Variants in LAMA3 observed in about 807,000 individuals in gnomAD.
LAMA3 encodes the protein laminin subunit alpha 3.
In LAMA3, 281 loss-of-function variants were observed where a neutral mutation model predicts 402.0. The observed-to-expected ratio is 0.70, with a 90% confidence interval of 0.63 to 0.77. The LOEUF (loss-of-function observed/expected upper bound fraction) is 0.77. Among genes scored for constraint, LAMA3 ranks in the 30% least tolerant of loss-of-function variants. LAMA3 has a pLI of 0.00. For missense variants in LAMA3, 3,840 were observed against 4,215.5 expected (o/e 0.91, Z 2.47); for synonymous variants, 1,431 against 1,558.4 (o/e 0.92, Z 1.93).
chr18:23,874,451 G>C (rs920139042), intron 38 of LAMA3, among the ~76,000 whole-genome samples: 1 of 152,158 alleles, frequency 6.6e-6, no homozygotes, highest in African/African-American at 2.4e-5. Flanking sequence ...CTATTTATTT[G>C]CAATATACTC....
intron 69 of LAMA3, among the ~76,000 whole-genome samples, chr18:23,945,753 G>T (rs967370430): frequency 6.6e-6 from 1 of 152,112 alleles, no homozygotes; most frequent in Non-Finnish European, 1.5e-5. Flanking sequence ...CCAGCCCAGG[G>T]TGCCACGACT....
chr18:23,737,018 C>T (rs545133926), intron 2 of LAMA3, among the ~76,000 whole-genome samples: 1 of 152,136 alleles, frequency 6.6e-6, no homozygotes, highest in East Asian at 1.9e-4. Flanking sequence ...AAAATGCTTC[C>T]CCCACCCCCA....
rs773987681 is a variant in LAMA3, at chr18:23,810,408, G to T, written c.1646G>T (p.Ser549Ile). 17 of 1,614,088 alleles carry T rather than the reference G, an allele frequency of 1.1e-5. No homozygotes were observed. The highest frequency in any genetic ancestry group is 1.4e-5 in the Non-Finnish European group (17 of 1,180,052). Residue 549 changes from serine (S) to isoleucine (I), a missense_variant, in exon 13 of 75, where the codon AGC (serine) becomes ATC (isoleucine). By Grantham distance (142) the Ser-to-Ile change is moderately radical. Transcript: ENST00000313654. ...SALGSYQMPCSSVTGQCECRP... is the reference protein window; with the variant it reads ...SALGSYQMPCISVTGQCECRP... Reference sequence around the variant, plus strand: ...CTTGGATCCTACCAGATGCCCTGCAGCTCAGTGACTGGACAGTGTGAATGT... The same window carrying T: ...CTTGGATCCTACCAGATGCCCTGCATCTCAGTGACTGGACAGTGTGAATGT...
At chr18:23,850,603 G>A (rs564373989) in intron 32 of LAMA3, among the ~76,000 whole-genome samples, 10 of 152,114 alleles carry the variant, frequency 6.6e-5, no homozygotes, top group South Asian at 6.2e-4. Flanking sequence ...TGTAATTATC[G>A]AAAGGTCTAT....
chr18:23,805,766 T>C (rs1311121373), intron 12 of LAMA3, among the ~76,000 whole-genome samples: 2 of 152,198 alleles, frequency 1.3e-5, no homozygotes, highest in East Asian at 3.9e-4. Flanking sequence ...GATTATTTCC[T>C]TTTTGCCAGT....
rs776785209 is a variant in LAMA3, at chr18:23,836,962, ACT to A, written c.2985-16_2985-15del. The A allele has an allele frequency of 1.9e-6, 3 of 1,598,462 alleles. No homozygotes were observed. Among genetic ancestry groups the A allele is most frequent in the Admixed American group, 3.3e-5 (2 of 59,948 alleles). On this transcript the variant is annotated splice_polypyrimidine_tract_variant and intron_variant, in intron 24 of 74. Coordinates refer to ENST00000313654, the MANE Select transcript of LAMA3 (RefSeq NM_198129.4). ...AGATGCCGGGAGTCAGGCTAAGAAA[ACT>A]CTGTTTTCTCTTGCAGTGTTCTCTG...
At chr18:23,862,665 T>C (rs1414546682) in intron 35 of LAMA3, among the ~76,000 whole-genome samples, 14 of 152,192 alleles carry the variant, frequency 9.2e-5, no homozygotes, top group Admixed American at 9.2e-4. Context: ...GACGGGCCCA[T>C]GTGTTGATTA....
intron 40 of LAMA3, among the ~76,000 whole-genome samples, chr18:23,883,270 T>C (rs953118098): frequency 6.6e-6 from 1 of 152,150 alleles, no homozygotes; most frequent in Non-Finnish European, 1.5e-5. Flanking sequence ...TCATTCAGCC[T>C]CCAGAGTGAC....
At chr18:23,878,837 G>C (rs1328910401) in intron 39 of LAMA3, among the ~76,000 whole-genome samples, 2 of 152,156 alleles carry the variant, frequency 1.3e-5, no homozygotes, top group Admixed American at 1.3e-4. Flanking sequence ...TACAGCAGTA[G>C]GTGTCCAGTG....
chr18:23,826,439 G>A (rs2063383324), intron 21 of LAMA3, among the ~76,000 whole-genome samples: 1 of 152,128 alleles, frequency 6.6e-6, no homozygotes, highest in African/African-American at 2.4e-5. Flanking sequence ...AACAACCAAG[G>A]AGAGACAGTA....
intron 6 of LAMA3, among the ~76,000 whole-genome samples, chr18:23,754,754 CTTTAAAGGG>C (rs1196628729): frequency 5.3e-5 from 8 of 152,128 alleles, no homozygotes; most frequent in African/African-American, 1.7e-4. Flanking sequence ...AAGAGGGATA[CTTTAAAGGG>C]CTGGAAATTA....
At chr18:23,783,362 G>C (rs57976821) in intron 11 of LAMA3, among the ~76,000 whole-genome samples, 3,725 of 152,142 alleles carry the variant, frequency 0.024, 158 homozygotes, top group African/African-American at 0.085. Context: ...GGAGGAAAGT[G>C]GGGGGGCCAT....
At chr18:23,858,079 G>A (rs2064127827) in intron 33 of LAMA3, 91 bp downstream of exon 33, 10 of 1,443,612 alleles carry the variant, frequency 6.9e-6, no homozygotes, top group Non-Finnish European at 9.7e-6. Context: ...TGTGGGAAAT[G>A]GGACTGACCC....
At chr18:23,812,779 C>G (rs758623347) in intron 13 of LAMA3, among the ~76,000 whole-genome samples, 1 of 152,162 alleles carries the variant, frequency 6.6e-6, no homozygotes, top group Non-Finnish European at 1.5e-5. Context: ...TAGAATCTTT[C>G]CCTAATCTCC....
At chr18:23,740,145 G>C (rs193088354) in intron 2 of LAMA3, among the ~76,000 whole-genome samples, 2 of 152,304 alleles carry the variant, frequency 1.3e-5, no homozygotes, top group Non-Finnish European at 2.9e-5. Context: ...ATTGAGCTCA[G>C]AGCTGTTGGG....
At chr18:23,934,865 T>C (rs1477377330) in intron 67 of LAMA3, among the ~76,000 whole-genome samples, 1 of 152,240 alleles carries the variant, frequency 6.6e-6, no homozygotes, top group Non-Finnish European at 1.5e-5. Flanking sequence ...GTGCTGCTTC[T>C]CTACCAATAT....
chr18:23,750,023 A>G (rs941250666), intron 4 of LAMA3, among the ~76,000 whole-genome samples: 1 of 152,168 alleles, frequency 6.6e-6, no homozygotes, highest in Non-Finnish European at 1.5e-5. Context: ...GCACCTCTAG[A>G]TAGAAAGAGC....
intron 1 of LAMA3, among the ~76,000 whole-genome samples, chr18:23,706,889 A>G (rs12458106): frequency 0.017 from 2,598 of 152,002 alleles, 266 homozygotes; most frequent in Admixed American, 0.16. Context: ...GACCAGCCTG[A>G]CCAACATGGA....
chr18:23,696,730 C>T (rs1179878620), intron 1 of LAMA3, among the ~76,000 whole-genome samples: 2 of 152,214 alleles, frequency 1.3e-5, no homozygotes, highest in Non-Finnish European at 2.9e-5. Flanking sequence ...GAACTCCTGA[C>T]CTCAAGCAAT....
Sources: gnomAD v4.1 joint callset for allele counts (sites outside exome capture counted in the v4.1 genomes callset) on GRCh38, gnomAD v4.1.1 for gene constraint, MANE v1.5 for transcripts, NCBI Gene and HGNC (gene_info 2026-07-23, HGNC 2026-07-21) for gene names.